The following MGAT4C variants were observed in gnomAD, a reference collection of about 807,000 sequenced individuals.
MGAT4C encodes MGAT4 family member C.
MGAT4C carries 19 observed loss-of-function variants against 40.1 expected under a neutral mutation model. The observed-to-expected ratio is 0.47, with a 90% CI of 0.33 to 0.70. The LOEUF is 0.70. Among genes scored for constraint, MGAT4C ranks in the 30% least tolerant of loss-of-function variants. The pLI is 0.02. For synonymous variants in MGAT4C, 181 were observed against 187.1 expected, an observed-to-expected ratio of 0.97 and a Z score of 0.27; for missense variants, 491 against 563.2, an observed-to-expected ratio of 0.87 and a Z score of 1.30.
At chr12:86,713,995 T>C (rs958787818) in intron 2 of MGAT4C, among the ~76,000 whole-genome samples, 5 of 152,192 alleles carry the variant, frequency 3.3e-5, no homozygotes, top group Non-Finnish European at 5.9e-5. Flanking sequence ...TATTGCATCA[T>C]GTGAGTCCTC....
intron 4 of MGAT4C, among the ~76,000 whole-genome samples, chr12:86,263,554 A>G (rs1325267130): frequency 1.3e-5 from 2 of 152,170 alleles, no homozygotes; most frequent in South Asian, 2.1e-4. Context: ...TATATGCCAA[A>G]TTTTCTTTAT....
chr12:86,200,567 A>G (rs1566134666), intron 1 of MGAT4C, among the ~76,000 whole-genome samples: 1 of 152,140 alleles, frequency 6.6e-6, no homozygotes, highest in Non-Finnish European at 1.5e-5. Context: ...GGCCATAGTC[A>G]TAGCTCATTG....
rs1260565959 is a variant in MGAT4C at position 86,749,849 on chromosome 12, T to TTACA, written c.-261-22612_-261-22609dup. ...ATTCTAACTGATGTCAGTAGCCAAG[T>TTACA]TACATGTATGTTAATAGGCACTGAG... On this transcript the variant is annotated intron_variant, in intron 1 of 7. Coordinates refer to the MGAT4C transcript ENST00000548651. Among the ~76,000 whole-genome samples, 6 of 151,900 alleles carry TTACA rather than the reference T, an allele frequency of 3.9e-5. No homozygotes were observed. In the South Asian group the frequency reaches 8.3e-4, roughly 21 times the overall value.
chr12:86,052,272 A>C (rs1475187157), intron 1 of MGAT4C, among the ~76,000 whole-genome samples: 1 of 151,830 alleles, frequency 6.6e-6, no homozygotes, highest in Non-Finnish European at 1.5e-5. Context: ...TTCATTAAAA[A>C]AAAGAAAGGT....
chr12:86,733,376 A>G (rs1324770494), intron 1 of MGAT4C, among the ~76,000 whole-genome samples: 1 of 152,092 alleles, frequency 6.6e-6, no homozygotes, highest in Non-Finnish European at 1.5e-5. Context: ...GGGAAGGCAC[A>G]AGGCAGCCAT....
chr12:86,760,238 C>A (rs559766636), intron 1 of MGAT4C, among the ~76,000 whole-genome samples: 29 of 152,054 alleles, frequency 1.9e-4, no homozygotes, highest in Admixed American at 8.5e-4. Flanking sequence ...GAAAGTAGAC[C>A]CTTATCTCTC....
intron 2 of MGAT4C, among the ~76,000 whole-genome samples, chr12:86,708,031 G>T (rs1253283320): frequency 6.6e-6 from 1 of 152,196 alleles, no homozygotes; most frequent in Non-Finnish European, 1.5e-5. Context: ...GGAGCTGAAT[G>T]CTAATCCCCA....
At chr12:86,594,378 T>C (rs1376086378) in intron 2 of MGAT4C, among the ~76,000 whole-genome samples, 1 of 152,184 alleles carries the variant, frequency 6.6e-6, no homozygotes, top group East Asian at 1.9e-4. Context: ...ATTTACTGTA[T>C]GTTCTCAGGG....
intron 3 of MGAT4C, among the ~76,000 whole-genome samples, chr12:86,418,155 T>C (rs1483051122): frequency 1.3e-5 from 2 of 152,178 alleles, no homozygotes; most frequent in African/African-American, 2.4e-5. Flanking sequence ...TGATAAAATA[T>C]TCTACAATCT....
At position 85,975,372 on chromosome 12, in the gene MGAT4C, G is replaced by C. The variant is rs1883897879; in HGVS notation, c.*3917C>G. 6.6e-6 allele frequency: 1 copy of C among 150,958 alleles called. No individual in the cohort carries two copies. The highest frequency in any genetic ancestry group is 1.5e-5 in the Non-Finnish European group (1 of 67,168). The allele number at this position is 150,958 out of a possible 1,614,324, so 9.4% of individuals were successfully genotyped here. On this transcript the variant is annotated 3_prime_UTR_variant, in exon 5 of 5. Coordinates refer to ENST00000611864, the MANE Select transcript of MGAT4C (RefSeq NM_001351288.2). The stretch of plus-strand genomic sequence containing the variant: ...AAAAGGAAACAAATATTTATTGTGT[G>C]CCTAGTTTATGTTATCTCAATTCCA...
Position 86,305,392 on chromosome 12 carries a change from T to C in MGAT4C, c.-57+28673A>G, listed in dbSNP as rs1013490350. Among the ~76,000 whole-genome samples, 6 of 148,152 alleles carry C rather than the reference T, an allele frequency of 4.0e-5. 1 individual carries two copies. The highest frequency in any genetic ancestry group is 7.8e-5 in the African/African-American group (3 of 38,584). ...AGGCAGATATTGTGGTGAGCTGAGA[T>C]TGCACTATAGCACTCCAGCCTGGGC... On this transcript the variant is annotated intron_variant, in intron 4 of 7. Coordinates refer to the MGAT4C transcript ENST00000548651.
chr12:86,657,144 A>G (rs1394698240), intron 2 of MGAT4C, among the ~76,000 whole-genome samples: 2 of 152,052 alleles, frequency 1.3e-5, no homozygotes, highest in South Asian at 2.1e-4. Context: ...AAAAATTACC[A>G]GAAAAGAGGG....
At chr12:86,297,677 A>G (rs1953714074) in intron 4 of MGAT4C, among the ~76,000 whole-genome samples, 1 of 152,194 alleles carries the variant, frequency 6.6e-6, no homozygotes, top group African/African-American at 2.4e-5. Context: ...TGGTGCTGAT[A>G]AGATTTGGGT....
At chr12:86,540,431 A>T (rs1959154261) in intron 2 of MGAT4C, among the ~76,000 whole-genome samples, 4 of 152,196 alleles carry the variant, frequency 2.6e-5, no homozygotes, top group Admixed American at 1.3e-4. Context: ...ATCTTGGATG[A>T]AACCTCATGA....
rs927717066 is a variant in MGAT4C, at chr12:86,450,307, T to G, written c.-228-15042A>C. Reference sequence around the variant, plus strand: ...CACATAATTTGATTATCTATTTAGATAGATTTGTTAGTGAAGTGCTTAGTT... The same window carrying G: ...CACATAATTTGATTATCTATTTAGAGAGATTTGTTAGTGAAGTGCTTAGTT... On this transcript the variant is annotated intron_variant, in intron 2 of 7. Coordinates refer to the MGAT4C transcript ENST00000548651. 3.3e-5 allele frequency among the ~76,000 whole-genome samples: 5 copies of G among 152,184 alleles called. No homozygotes were observed. The South Asian group carries it at 1.0e-3, about 32-fold the overall frequency.
intron 2 of MGAT4C, among the ~76,000 whole-genome samples, chr12:86,704,924 A>C (rs1950428373): frequency 6.6e-6 from 1 of 152,104 alleles, no homozygotes; most frequent in Admixed American, 6.6e-5. Context: ...AGCTTGTTTT[A>C]GTTAACTTTC....
At chr12:86,051,463 C>G (rs1268369059) in intron 1 of MGAT4C, among the ~76,000 whole-genome samples, 1 of 151,690 alleles carries the variant, frequency 6.6e-6, no homozygotes, top group South Asian at 2.1e-4. Flanking sequence ...CTGATAATTT[C>G]TCATAGACAC....
At chr12:86,327,328 A>C (rs979831311) in intron 4 of MGAT4C, among the ~76,000 whole-genome samples, 2 of 151,680 alleles carry the variant, frequency 1.3e-5, no homozygotes, top group African/African-American at 2.4e-5. Flanking sequence ...TTTTATTTTC[A>C]TTGTATTATA....
intron 2 of MGAT4C, among the ~76,000 whole-genome samples, chr12:85,997,271 C>A (rs1362291797): frequency 6.6e-6 from 1 of 152,152 alleles, no homozygotes; most frequent in Non-Finnish European, 1.5e-5. Flanking sequence ...GATTCAATTA[C>A]CTTCCCCTTG....
Sources: gnomAD v4.1 joint callset for allele counts (sites outside exome capture counted in the v4.1 genomes callset) on GRCh38, gnomAD v4.1.1 for gene constraint, MANE v1.5 for transcripts, NCBI Gene and HGNC (gene_info 2026-07-23, HGNC 2026-07-21) for gene names.